Variants in LRRC37A2 observed in about 807,000 individuals in gnomAD.
The protein encoded by LRRC37A2 is leucine rich repeat containing 37 member A2.
LRRC37A2 carries 9 observed loss-of-function variants against 68.8 expected under a neutral mutation model. The observed-to-expected ratio is 0.13, with a 90% CI of 0.08 to 0.23. The LOEUF is 0.23. LRRC37A2 is among the 10% of genes least tolerant of loss of function. The probability of loss-of-function intolerance (pLI) is 1.00; values close to 1 mark genes in which losing one functional copy is unlikely to be tolerated. For missense variants in LRRC37A2, 168 were observed against 950.4 expected, an observed-to-expected ratio of 0.18 and a Z score of 10.82; for synonymous variants, 63 against 367.6, an observed-to-expected ratio of 0.17 and a Z score of 9.48.
At chr17:46,828,223 G>A in the LRRC37A2 span, among the ~76,000 whole-genome samples, 3 of 150,746 alleles carry the variant, frequency 2.0e-5, no homozygotes, top group African/African-American at 4.9e-5. Flanking sequence ...TTGAGACAGC[G>A]TCTCACTCTG....
chr17:46,844,865 G>A, the LRRC37A2 span, among the ~76,000 whole-genome samples: 3 of 150,846 alleles, frequency 2.0e-5, no homozygotes, highest in Non-Finnish European at 4.4e-5. Context: ...ATTTTTTGGA[G>A]ATGGAGTTTT....
the LRRC37A2 span, among the ~76,000 whole-genome samples, chr17:46,732,611 C>T: frequency 3.9e-5 from 6 of 152,068 alleles, no homozygotes; most frequent in East Asian, 1.2e-3. Context: ...TTTATTAGCC[C>T]TTTGAAAGTA....
chr17:46,931,930 TGTG>T, the LRRC37A2 span: 4 of 770,458 alleles, frequency 5.2e-6, no homozygotes, highest in African/African-American at 1.7e-5. Flanking sequence ...AATTAGATCT[TGTG>T]GTGAGGGGGT....
the LRRC37A2 span, among the ~76,000 whole-genome samples, chr17:46,972,796 GTC>G: frequency 1.3e-5 from 2 of 152,182 alleles, no homozygotes; most frequent in East Asian, 3.9e-4. Flanking sequence ...GTGGACGAGC[GTC>G]TCTGCAGTCA....
chr17:46,755,439 A>G, the LRRC37A2 span: 10 of 1,254,268 alleles, frequency 8.0e-6, no homozygotes, highest in African/African-American at 1.5e-4. Flanking sequence ...TGCCTATTCT[A>G]AGAGTTGCTT....
At chr17:46,697,486 A>G in the LRRC37A2 span, among the ~76,000 whole-genome samples, 1 of 147,880 alleles carries the variant, frequency 6.8e-6, no homozygotes, top group Non-Finnish European at 1.5e-5. Flanking sequence ...TTGGGATTAC[A>G]GGTGTGAGCC....
the LRRC37A2 span, among the ~76,000 whole-genome samples, chr17:46,740,044 T>C: frequency 6.6e-6 from 1 of 152,206 alleles, no homozygotes; most frequent in Non-Finnish European, 1.5e-5. Flanking sequence ...TCATAGGCCC[T>C]GGGCACTGTG....
the LRRC37A2 span, among the ~76,000 whole-genome samples, chr17:47,041,403 T>C: frequency 5.3e-5 from 3 of 56,960 alleles, no homozygotes; most frequent in Non-Finnish European, 9.6e-5. Flanking sequence ...TTTTTTGCCC[T>C]TTTCTTGGTG....
intron 2 of LRRC37A2, 167 bp from the exon 2 acceptor site, chr17:46,517,195 A>G (rs1278972782): frequency 1.2e-6 from 1 of 801,840 alleles, no homozygotes. Flanking sequence ...ACCCCGCATA[A>G]TTTCTTGATG....
At chr17:46,721,498 G>T in the LRRC37A2 span, 1 of 844,266 alleles carries the variant, frequency 1.2e-6, no homozygotes, top group East Asian at 2.5e-5. Flanking sequence ...TGTTCTACAG[G>T]AAACTTCATA....
At chr17:46,994,834 A>C in the LRRC37A2 span, among the ~76,000 whole-genome samples, 1 of 151,728 alleles carries the variant, frequency 6.6e-6, no homozygotes, top group African/African-American at 2.4e-5. Context: ...CAAAAAAAAC[A>C]CAAAAGTCCA....
chr17:46,851,090 C>A, the LRRC37A2 span, among the ~76,000 whole-genome samples: 1 of 152,210 alleles, frequency 6.6e-6, no homozygotes, highest in Non-Finnish European at 1.5e-5. The surrounding 1 kb of genome is among the most constrained non-coding windows in gnomAD (Gnocchi z 4.3). Context: ...GCACCAGGAC[C>A]CGGCCCTGCC....
the LRRC37A2 span, among the ~76,000 whole-genome samples, chr17:46,987,515 G>T: frequency 3.9e-5 from 6 of 152,134 alleles, no homozygotes; most frequent in African/African-American, 1.2e-4. Flanking sequence ...AAGGAAAATG[G>T]TGAAGACTCT....
At chr17:46,904,918 G>A in the LRRC37A2 span, among the ~76,000 whole-genome samples, 562 of 152,198 alleles carry the variant, frequency 3.7e-3, 1 homozygote, top group Non-Finnish European at 6.5e-3. Flanking sequence ...GGCCCCTCCC[G>A]GGTCTCTGCC....
the LRRC37A2 span, chr17:47,018,515 G>A: frequency 3.3e-6 from 5 of 1,521,210 alleles, no homozygotes; most frequent in Non-Finnish European, 4.6e-6. Flanking sequence ...CTACAGCTCA[G>A]CTCTCAGGGT....
the LRRC37A2 span, chr17:47,033,497 C>A: frequency 3.1e-6 from 2 of 638,706 alleles, no homozygotes; most frequent in South Asian, 3.5e-5. Flanking sequence ...TTCCATGGAA[C>A]CAGTTTTCCC....
the LRRC37A2 span, chr17:46,714,120 A>G: frequency 1.2e-6 from 1 of 856,340 alleles, no homozygotes; most frequent in Non-Finnish European, 1.7e-6. Context: ...CCAAATTATC[A>G]GCAGAATATG....
At chr17:46,769,826 G>A in the LRRC37A2 span, 1 of 1,613,082 alleles carries the variant, frequency 6.2e-7, no homozygotes, top group Non-Finnish European at 8.5e-7. Context: ...GGCCGAGCGC[G>A]CGTCCGGCCT....
chr17:46,937,838 G>A, the LRRC37A2 span: 1 of 152,434 alleles, frequency 6.6e-6, no homozygotes, highest in Non-Finnish European at 1.5e-5. Flanking sequence ...TTCATCTTGT[G>A]ATTAGTGACA....
Sources: allele counts gnomAD v4.1 joint callset (sites outside exome capture counted in the v4.1 genomes callset), GRCh38; gene constraint gnomAD v4.1.1; non-coding constraint Gnocchi (gnomAD v3.1); transcripts MANE v1.5; gene names NCBI Gene and HGNC (gene_info 2026-07-23, HGNC 2026-07-21).